Variants in TMEM92 observed in about 807,000 individuals in gnomAD.
TMEM92 encodes transmembrane protein 92.
Under a neutral mutation model 14.6 loss-of-function variants are expected in TMEM92, and 15 were observed. That is an observed-to-expected ratio of 1.03 (90% CI 0.69 to 1.58). TMEM92 has a LOEUF of 1.58. TMEM92 is among the 40% of genes most tolerant of loss of function. The pLI, the probability that TMEM92 is intolerant of heterozygous loss-of-function variation, is 0.00. For missense variants in TMEM92, 174 were observed against 202.4 expected, an observed-to-expected ratio of 0.86 and a Z score of 0.85; for synonymous variants, 85 against 83.3, an observed-to-expected ratio of 1.02 and a Z score of -0.11.
At chr17:50,272,954 C>T (rs1170809850), upstream of TMEM92, among the ~76,000 whole-genome samples, 1 of 151,990 alleles carries the variant, frequency 6.6e-6, no homozygotes, top group Non-Finnish European at 1.5e-5. Flanking sequence ...AAAACAGAGG[C>T]TGGGAGAAAC....
Position 50,276,364 on chromosome 17 carries a change from T to C in TMEM92, c.70-1351T>C, listed in dbSNP as rs373138108. 1.2e-4 allele frequency among the ~76,000 whole-genome samples: 18 copies of C among 152,176 alleles called. No homozygotes were observed. The East Asian group carries it at 3.3e-3, about 28-fold the overall frequency. ...CCCTTTCTGGGCCAACCTGCAGGGG[T>C]TCCTTCCTGTTCCTGTCCCCACAAG... On this transcript the variant is annotated intron_variant, in intron 1 of 4. Coordinates refer to ENST00000507382, the MANE Select transcript of TMEM92 (RefSeq NM_153229.3).
upstream of TMEM92, chr17:50,274,345 C>A: frequency 1.4e-6 from 1 of 694,892 alleles, no homozygotes. Flanking sequence ...GCCTCCCTTC[C>A]TCCCTTCCTC....
intron 1 of TMEM92, among the ~76,000 whole-genome samples, chr17:50,277,135 G>T (rs1910453662): frequency 6.6e-6 from 1 of 152,152 alleles, no homozygotes; most frequent in Non-Finnish European, 1.5e-5. Context: ...CTTAGGCAGG[G>T]ATCTGAAGGA....
At chr17:50,274,197 T>C (rs1181070726), upstream of TMEM92, among the ~76,000 whole-genome samples, 1 of 152,000 alleles carries the variant, frequency 6.6e-6, no homozygotes, top group Admixed American at 6.5e-5. Flanking sequence ...GCCAAGCTGG[T>C]CTCGAACTCC....
At position 50,279,323 on chromosome 17, in the gene TMEM92, G is replaced by A; in HGVS notation, c.*15G>A. ...CGGCCTTCTGAGTCACCTCCTGCCT[G>A]GAATCTTGCCATCAGCAACCTCCTC... On this transcript the variant is annotated 3_prime_UTR_variant, in exon 5 of 5. Transcript: ENST00000507382. 6.2e-7 allele frequency: 1 copy of A among 1,610,622 alleles called. No individual in the cohort carries two copies. The highest frequency in any genetic ancestry group is 1.7e-4 in the Middle Eastern group (1 of 6,048).
intron 1 of TMEM92, among the ~76,000 whole-genome samples, chr17:50,275,377 C>T (rs140560292): frequency 6.6e-6 from 1 of 152,098 alleles, no homozygotes; most frequent in East Asian, 1.9e-4. Flanking sequence ...TCTGCCAAAA[C>T]CCTTCCGTGG....
chr17:50,277,599 T>C, intron 1 of TMEM92, 116 bp from the exon 2 acceptor site: 1 of 1,234,096 alleles, frequency 8.1e-7, no homozygotes, highest in Admixed American at 1.8e-5. Flanking sequence ...AGGAAGAGGC[T>C]GAGTCTACTG....
upstream of TMEM92, among the ~76,000 whole-genome samples, chr17:50,274,267 A>G (rs1177527900): frequency 6.6e-6 from 1 of 151,996 alleles, no homozygotes; most frequent in Non-Finnish European, 1.5e-5. Flanking sequence ...CGCGCCCGGG[A>G]CCGCTTTTTT....
Position 50,278,561 on chromosome 17 carries a change from G to A in TMEM92, c.101G>A (p.Cys34Tyr). Residue 34 changes from cysteine to tyrosine, a missense_variant, in exon 3 of 5, where the codon TGC becomes TAC. By Grantham distance (194) the Cys-to-Tyr change is radical. Coordinates refer to ENST00000507382, the MANE Select transcript of TMEM92 (RefSeq NM_153229.3). ...IAAKCGLILA[C>Y]PKGFKCCGDS... Reference sequence around the variant, plus strand: ...TTTCTGTGCCCTCTGACCAGTGCCTGCCCCAAAGGATTCAAATGCTGTGGT... The same window carrying A: ...TTTCTGTGCCCTCTGACCAGTGCCTACCCCAAAGGATTCAAATGCTGTGGT... 1 of 1,613,976 alleles carries A rather than the reference G, an allele frequency of 6.2e-7. No individual in the cohort carries two copies. Among genetic ancestry groups the A allele is most frequent in the East Asian group, 2.2e-5 (1 of 44,850 alleles).
chr17:50,277,816 G>T, intron 2 of TMEM92, 76 bp downstream of exon 2: 2 of 1,578,544 alleles, frequency 1.3e-6, no homozygotes, highest in Non-Finnish European at 1.7e-6. Context: ...ATGCCTTGGG[G>T]GGTGTGGGAG....
Position 50,279,444 on chromosome 17 carries a change from T to C in TMEM92, c.*136T>C, listed in dbSNP as rs1273664198. 4 of 743,150 alleles carry C rather than the reference T, an allele frequency of 5.4e-6. No individual in the cohort carries two copies. The highest frequency in any genetic ancestry group is 1.5e-5 in the South Asian group (1 of 64,992). The allele number at this position is 743,150 out of a possible 1,614,324, so 46.0% of individuals were successfully genotyped here. A position where few individuals can be genotyped will look rare whatever the true frequency, so the allele number is the denominator to read the frequency against. On this transcript the variant is annotated 3_prime_UTR_variant, in exon 5 of 5. Coordinates refer to ENST00000507382, the MANE Select transcript of TMEM92 (RefSeq NM_153229.3). ...TCTGTTCATTCTTGGATTTAACTTA[T>C]TACTTTTTCTGCTTCTGTTTCCACC...
In TMEM92 at chr17:50,280,306, C is replaced by A. The variant is rs941301015; in HGVS notation, c.*998C>A. 10 of 152,192 alleles carry A rather than the reference C, an allele frequency of 6.6e-5. No individual in the cohort carries two copies. Among genetic ancestry groups the A allele is most frequent in the African/African-American group, 2.4e-4 (10 of 41,418 alleles). 9.4% of individuals were successfully genotyped at this position (152,192 alleles called of 1,614,324 possible). ...GAGTGGGGCTTTAGGAGACCTTGAA[C>A]GGCCCCACCCTGGAATCTCCTACAG... On this transcript the variant is annotated 3_prime_UTR_variant, in exon 5 of 5. Coordinates refer to ENST00000507382, the MANE Select transcript of TMEM92 (RefSeq NM_153229.3).
upstream of TMEM92, chr17:50,274,382 C>T: frequency 1.0e-6 from 1 of 996,370 alleles, no homozygotes; most frequent in Non-Finnish European, 1.5e-6. Context: ...GCCCCGAGTC[C>T]GCCTCTCCCG....
upstream of TMEM92, among the ~76,000 whole-genome samples, chr17:50,273,737 C>T (rs1910327002): frequency 6.6e-6 from 1 of 152,160 alleles, no homozygotes; most frequent in African/African-American, 2.4e-5. Flanking sequence ...AACCATAACC[C>T]CTCAAAATCT....
Position 50,278,918 on chromosome 17 carries a change from G to T in TMEM92, c.288G>T (p.Gly96=). The change falls in exon 4 of 5, where the codon GGG becomes GGT. Residue 96 remains glycine (G), a synonymous_variant. Transcript: ENST00000507382. ...CAGACAGCCCAGTGGATTGCCGGGG[G>T]CCCCTGGAACTGCCCTCCATCATCC... ...PEPDSPVDCR[G]PLELPSIIPP... is the part of the protein sequence containing the mutation. 1 of 1,613,726 alleles carries T rather than the reference G, an allele frequency of 6.2e-7. No individual in the cohort carries two copies. The highest frequency in any genetic ancestry group is 8.5e-7 in the Non-Finnish European group (1 of 1,179,800).
chr17:50,278,907 G>A lies in TMEM92; in HGVS notation c.277G>A (p.Asp93Asn), dbSNP rs1910520006. Residue 93 changes from aspartate to asparagine, a missense_variant, in exon 4 of 5, where the codon GAT becomes AAT. Coordinates refer to ENST00000507382, the MANE Select transcript of TMEM92 (RefSeq NM_153229.3). ...CREPEPDSPV[D>N]CRGPLELPSI... ...AGAGCCGGAGCCAGACAGCCCAGTGGATTGCCGGGGGCCCCTGGAACTGCC... is the reference window on the plus strand; with the variant it reads ...AGAGCCGGAGCCAGACAGCCCAGTGAATTGCCGGGGGCCCCTGGAACTGCC... 1 of 1,613,894 alleles carries A rather than the reference G, an allele frequency of 6.2e-7. No homozygotes were observed. The highest frequency in any genetic ancestry group is 2.2e-5 in the East Asian group (1 of 44,840).
At chr17:50,274,418 CG>C, upstream of TMEM92, 1 of 1,463,370 alleles carries the variant, frequency 6.8e-7, no homozygotes, top group Non-Finnish European at 9.5e-7. Flanking sequence ...CATCCCGAGG[CG>C]GGGCCCCATA....
Position 50,278,793 on chromosome 17 carries a change from C to G in TMEM92, c.171-8C>G. On this transcript the variant is annotated splice_region_variant and splice_polypyrimidine_tract_variant and intron_variant, in intron 3 of 4. Transcript: ENST00000507382. Reference sequence around the variant, plus strand: ...GACTCAGGGTACTCTTGGTGGTCCCCACCCCAGGATCTTCGTCATCATCTT... The same window carrying G: ...GACTCAGGGTACTCTTGGTGGTCCCGACCCCAGGATCTTCGTCATCATCTT... 6.2e-7 allele frequency: 1 copy of G among 1,604,776 alleles called. No homozygotes were observed.
chr17:50,274,829 T>C, intron 1 of TMEM92: 1 of 527,508 alleles, frequency 1.9e-6, no homozygotes, highest in East Asian at 3.5e-5. Flanking sequence ...ATCTGACACC[T>C]AGCACGTCTC....
Sources: allele counts gnomAD v4.1 joint callset (sites outside exome capture counted in the v4.1 genomes callset), GRCh38; gene constraint gnomAD v4.1.1; transcripts MANE v1.5; gene names NCBI Gene and HGNC (gene_info 2026-07-23, HGNC 2026-07-21).